The following RPS6KC1 variants were observed in gnomAD, a reference collection of about 807,000 sequenced individuals.
RPS6KC1 encodes ribosomal protein S6 kinase C1.
A neutral mutation model predicts 103.8 loss-of-function variants in RPS6KC1; 54 were observed. The ratio of observed to expected loss-of-function variants is 0.52; its 90% CI spans 0.42 to 0.65. RPS6KC1 has a LOEUF of 0.65. Ranked by LOEUF, RPS6KC1 falls within the 30% of genes least tolerant of loss-of-function variation. The pLI, the probability that RPS6KC1 is intolerant of heterozygous loss-of-function variation, is 0.00. For missense variants in RPS6KC1, 1,151 were observed against 1,253.8 expected (o/e 0.92, Z 1.24); for synonymous variants, 439 against 438.7 (o/e 1.00, Z -0.01).
the RPS6KC1 span, among the ~76,000 whole-genome samples, chr1:213,467,541 G>GT: frequency 6.6e-6 from 1 of 152,170 alleles, no homozygotes; most frequent in Non-Finnish European, 1.5e-5. Context: ...TCTAGATGGG[G>GT]TTAATCAGGG....
At chr1:213,836,542 C>T in the RPS6KC1 span, among the ~76,000 whole-genome samples, 1 of 151,808 alleles carries the variant, frequency 6.6e-6, no homozygotes, top group Non-Finnish European at 1.5e-5. Context: ...TCCCCCTTCC[C>T]TTACATCACT....
chr1:213,232,392 T>G (rs1038790725), intron 10 of RPS6KC1, 137 bp downstream of exon 10: 2 of 1,073,832 alleles, frequency 1.9e-6, no homozygotes, highest in Non-Finnish European at 2.8e-6. Flanking sequence ...CTGCTCTACC[T>G]CCCTACTTTG....
chr1:213,629,550 G>A, the RPS6KC1 span, among the ~76,000 whole-genome samples: 1 of 152,172 alleles, frequency 6.6e-6, no homozygotes, highest in Admixed American at 6.5e-5. Flanking sequence ...TTGCCAGTCT[G>A]TGTCTTTTAA....
chr1:213,113,484 G>A (rs1448470628), intron 4 of RPS6KC1, among the ~76,000 whole-genome samples: 3 of 150,060 alleles, frequency 2.0e-5, no homozygotes, highest in Non-Finnish European at 3.0e-5. Flanking sequence ...AGTAGGTTGC[G>A]AAAATTTTCT....
the RPS6KC1 span, among the ~76,000 whole-genome samples, chr1:213,545,503 C>T: frequency 6.6e-6 from 1 of 151,982 alleles, no homozygotes; most frequent in Non-Finnish European, 1.5e-5. Flanking sequence ...TCTCCCTGTG[C>T]CTCTTCACAT....
At chr1:213,468,599 A>G in the RPS6KC1 span, among the ~76,000 whole-genome samples, 1 of 152,238 alleles carries the variant, frequency 6.6e-6, no homozygotes, top group Non-Finnish European at 1.5e-5. Context: ...ATACAAACTT[A>G]CGAATTAATC....
Position 213,103,711 on chromosome 1 carries a change from G to A in RPS6KC1, c.263-743G>A, listed in dbSNP as rs148690088. On this transcript the variant is annotated intron_variant, in intron 3 of 14. Transcript: ENST00000366960. ...GTGGTGATGCTACTTTTCTGATTTT[G>A]TATTTTTTTATTGCAATCAGTATGA... 9.7e-3 allele frequency among the ~76,000 whole-genome samples: 1,477 copies of A among 152,200 alleles called. 14 individuals are homozygous for A. Among genetic ancestry groups the A allele is most frequent in the South Asian group, 0.023 (112 of 4,828 alleles).
At chr1:213,768,349 T>G in the RPS6KC1 span, among the ~76,000 whole-genome samples, 1 of 152,016 alleles carries the variant, frequency 6.6e-6, no homozygotes, top group African/African-American at 2.4e-5. Context: ...CCTTTTAGTT[T>G]CCCCTACTCC....
chr1:213,487,852 C>A, the RPS6KC1 span, among the ~76,000 whole-genome samples: 1 of 151,190 alleles, frequency 6.6e-6, no homozygotes, highest in Admixed American at 6.6e-5. Context: ...TTATTATTAC[C>A]TTTCCTACCT....
intron 3 of RPS6KC1, among the ~76,000 whole-genome samples, chr1:213,092,571 C>T (rs1204343258): frequency 1.3e-5 from 2 of 151,582 alleles, no homozygotes; most frequent in East Asian, 3.9e-4. Flanking sequence ...ACTCAGGGGG[C>T]TGAGGCAGGG....
At chr1:213,341,701 G>A in the RPS6KC1 span, among the ~76,000 whole-genome samples, 3 of 152,216 alleles carry the variant, frequency 2.0e-5, no homozygotes, top group Admixed American at 6.5e-5. Context: ...TGACAATCCT[G>A]CAAGGTACAT....
the RPS6KC1 span, among the ~76,000 whole-genome samples, chr1:213,567,766 C>A: frequency 6.6e-6 from 1 of 152,172 alleles, no homozygotes; most frequent in Non-Finnish European, 1.5e-5. Context: ...GTCTTACCAG[C>A]TAGTAATTGT....
At chr1:213,796,413 C>T in the RPS6KC1 span, among the ~76,000 whole-genome samples, 2 of 152,140 alleles carry the variant, frequency 1.3e-5, no homozygotes, top group Non-Finnish European at 2.9e-5. Flanking sequence ...GTTGTCTTGT[C>T]TTCAGCGAAT....
rs1341363202 is a variant in RPS6KC1, at chr1:213,152,536, T to C, written c.836-15322T>C. On this transcript the variant is annotated intron_variant, in intron 6 of 14. Coordinates refer to ENST00000366960, the MANE Select transcript of RPS6KC1 (RefSeq NM_012424.6). ...TCACTTCTCAGACGGGGCGGCCGGG[T>C]AGAGATGCTCCTCACCTCCCAGACG... Among the ~76,000 whole-genome samples, 3 of 125,386 alleles carry C rather than the reference T, an allele frequency of 2.4e-5. No homozygotes were observed. The East Asian group carries it at 7.6e-4, about 32-fold the overall frequency. The allele number at this position is 125,386 out of a possible 152,430, so 82.3% of individuals were successfully genotyped here.
the RPS6KC1 span, among the ~76,000 whole-genome samples, chr1:213,759,810 A>G: frequency 6.6e-6 from 1 of 152,176 alleles, no homozygotes; most frequent in Non-Finnish European, 1.5e-5. Flanking sequence ...AGTGGGCAAA[A>G]TGCCAGTGAT....
At chr1:213,416,032 C>T in the RPS6KC1 span, among the ~76,000 whole-genome samples, 2 of 152,352 alleles carry the variant, frequency 1.3e-5, no homozygotes, top group Admixed American at 1.3e-4. Context: ...GAGCTGATTC[C>T]TCATGACCAC....
the RPS6KC1 span, among the ~76,000 whole-genome samples, chr1:213,568,928 C>G: frequency 6.6e-6 from 1 of 152,140 alleles, no homozygotes; most frequent in Non-Finnish European, 1.5e-5. Context: ...CAACCATGAG[C>G]GGGAAGTAGC....
the RPS6KC1 span, among the ~76,000 whole-genome samples, chr1:213,804,173 TAAA>T: frequency 8.6e-5 from 5 of 57,840 alleles, no homozygotes; most frequent in Admixed American, 2.3e-4. Context: ...TGGCTAATCT[TAAA>T]AAAAAAAAAA....
At chr1:213,314,435 A>T in the RPS6KC1 span, among the ~76,000 whole-genome samples, 1 of 152,206 alleles carries the variant, frequency 6.6e-6, no homozygotes, top group African/African-American at 2.4e-5. Context: ...CCCCTTAGGT[A>T]GCATTTCCTA....
Sources: allele counts gnomAD v4.1 joint callset (sites outside exome capture counted in the v4.1 genomes callset), GRCh38; gene constraint gnomAD v4.1.1; transcripts MANE v1.5; gene names NCBI Gene and HGNC (gene_info 2026-07-23, HGNC 2026-07-21).